The following LNX2 variants were observed in gnomAD, a reference collection of about 807,000 sequenced individuals.
LNX2 encodes ligand of numb-protein X 2.
Under a neutral mutation model 66.2 loss-of-function variants are expected in LNX2, and 35 were observed. The ratio of observed to expected loss-of-function variants is 0.53; its 90% CI spans 0.40 to 0.70. The LOEUF (loss-of-function observed/expected upper bound fraction) is 0.70, where lower values mean the gene tolerates loss of function less well. LNX2 is among the 30% of genes least tolerant of loss of function. LNX2 has a pLI of 0.00. For synonymous variants in LNX2, 337 were observed against 315.6 expected (o/e 1.07, Z -0.72); for missense variants, 791 against 850.8 (o/e 0.93, Z 0.87).
intron 3 of LNX2, 119 bp from the exon 4 acceptor site, chr13:27,567,958 A>G: frequency 1.3e-6 from 1 of 797,526 alleles, no homozygotes. Context: ...TTAACAGCTA[A>G]GCAGTATCAC....
At chr13:27,600,583 A>T (rs1312141690) in intron 1 of LNX2, among the ~76,000 whole-genome samples, 6 of 152,200 alleles carry the variant, frequency 3.9e-5, no homozygotes, top group African/African-American at 1.4e-4. Context: ...GCTGCAAATG[A>T]TGGAAAACCT....
chr13:27,585,871 T>C (rs1955479338), intron 1 of LNX2, among the ~76,000 whole-genome samples: 1 of 152,004 alleles, frequency 6.6e-6, no homozygotes, highest in Non-Finnish European at 1.5e-5. Context: ...TTTCTAAATC[T>C]CTAAATAACT....
intron 1 of LNX2, among the ~76,000 whole-genome samples, chr13:27,614,307 C>A (rs1156261618): frequency 9.2e-5 from 14 of 152,192 alleles, no homozygotes; most frequent in Admixed American, 8.5e-4. Flanking sequence ...CAGATAACAT[C>A]ACTACTGGAG....
At chr13:27,619,921 T>TC (rs1955874977) in intron 1 of LNX2, among the ~76,000 whole-genome samples, 3 of 151,988 alleles carry the variant, frequency 2.0e-5, no homozygotes, top group Admixed American at 1.3e-4. Context: ...GAATGATCTC[T>TC]CCCCATCCCT....
At chr13:27,579,795 T>C (rs959879479) in intron 2 of LNX2, among the ~76,000 whole-genome samples, 7 of 152,314 alleles carry the variant, frequency 4.6e-5, no homozygotes, top group Middle Eastern at 6.8e-3. Context: ...TGAAATATTC[T>C]TCAGCCATAA....
At chr13:27,575,696 T>C (rs951325945) in intron 2 of LNX2, among the ~76,000 whole-genome samples, 1 of 152,160 alleles carries the variant, frequency 6.6e-6, no homozygotes, top group Non-Finnish European at 1.5e-5. Flanking sequence ...GACTCCTTAA[T>C]CATGTCAGCC....
intron 1 of LNX2, among the ~76,000 whole-genome samples, chr13:27,600,353 A>AC (rs1353921819): frequency 6.6e-6 from 1 of 152,228 alleles, no homozygotes; most frequent in East Asian, 1.9e-4. Context: ...GTACTGGACA[A>AC]CATGGGTACA....
chr13:27,609,084 C>T (rs762782010), intron 1 of LNX2, among the ~76,000 whole-genome samples: 1 of 151,894 alleles, frequency 6.6e-6, no homozygotes, highest in Non-Finnish European at 1.5e-5. Context: ...TAAGCCACTG[C>T]GCCTGGCCTG....
chr13:27,565,189 T>A (rs1324123584), intron 4 of LNX2, among the ~76,000 whole-genome samples: 2 of 152,152 alleles, frequency 1.3e-5, no homozygotes, highest in Non-Finnish European at 2.9e-5. Flanking sequence ...TCTTTTGAGG[T>A]CTAAAGATTC....
chr13:27,589,781 A>C (rs1228993336), intron 1 of LNX2, among the ~76,000 whole-genome samples: 1 of 152,242 alleles, frequency 6.6e-6, no homozygotes, highest in Non-Finnish European at 1.5e-5. Context: ...TATTTCAAAA[A>C]GGAAATATAT....
At chr13:27,601,088 AG>A (rs1955653341) in intron 1 of LNX2, among the ~76,000 whole-genome samples, 1 of 152,224 alleles carries the variant, frequency 6.6e-6, no homozygotes, top group African/African-American at 2.4e-5. Context: ...CTATTACTAC[AG>A]GCTGGACATT....
chr13:27,557,707 C>T (rs140752007), intron 6 of LNX2, among the ~76,000 whole-genome samples: 53 of 152,140 alleles, frequency 3.5e-4, no homozygotes, highest in African/African-American at 1.3e-3. Context: ...GGCCTATCTA[C>T]CCTTCTCCAG....
chr13:27,553,579 A>G, intron 7 of LNX2, 140 bp from the exon 8 acceptor site: 1 of 604,886 alleles, frequency 1.7e-6, no homozygotes, highest in Non-Finnish European at 2.9e-6. Flanking sequence ...GGCATTTATT[A>G]TTTCTTTGTA....
At chr13:27,564,784 G>A (rs1036587060) in intron 4 of LNX2, among the ~76,000 whole-genome samples, 1 of 152,136 alleles carries the variant, frequency 6.6e-6, no homozygotes, top group Non-Finnish European at 1.5e-5. Context: ...TTGGCTCACT[G>A]TGTTATATTT....
In LNX2 at chr13:27,550,422, A is replaced by C; in HGVS notation, c.1848T>G (p.Val616=). 6.2e-7 allele frequency: 1 copy of C among 1,614,024 alleles called. No individual in the cohort carries two copies. Among genetic ancestry groups the C allele is most frequent in the South Asian group, 1.1e-5 (1 of 91,082 alleles). Residue 616 remains valine, a synonymous_variant, in exon 9 of 10, where the codon GTT becomes GTG. Coordinates refer to ENST00000316334, the MANE Select transcript of LNX2 (RefSeq NM_153371.4). ...SYLGSWGFSI[V]GGYEENHTNQ... ...TGGTGTGGTTCTCTTCATATCCACC[A>C]ACGATACTAAAGCCCCAACTTCCCA...
At chr13:27,560,763 T>C (rs1593241331) in intron 5 of LNX2, among the ~76,000 whole-genome samples, 1 of 152,200 alleles carries the variant, frequency 6.6e-6, no homozygotes, top group Non-Finnish European at 1.5e-5. Context: ...ATTTATTTGA[T>C]GCTGACTCTT....
chr13:27,606,232 T>G (rs1955714194), intron 1 of LNX2, among the ~76,000 whole-genome samples: 1 of 152,194 alleles, frequency 6.6e-6, no homozygotes, highest in South Asian at 2.1e-4. Context: ...AAATATGTTT[T>G]ATTTCATGGT....
At chr13:27,582,612 A>C (rs1829723865) in intron 1 of LNX2, among the ~76,000 whole-genome samples, 1 of 152,174 alleles carries the variant, frequency 6.6e-6, no homozygotes, top group Non-Finnish European at 1.5e-5. Context: ...TGTAGTCTCA[A>C]GGATAATTCA....
intron 8 of LNX2, among the ~76,000 whole-genome samples, chr13:27,550,828 C>T (rs1448661101): frequency 1.3e-5 from 2 of 152,114 alleles, no homozygotes; most frequent in Admixed American, 1.3e-4. Context: ...TCAACAAAGT[C>T]CTCAATTCTA....
Sources: allele counts gnomAD v4.1 joint callset (sites outside exome capture counted in the v4.1 genomes callset), GRCh38; gene constraint gnomAD v4.1.1; transcripts MANE v1.5; gene names NCBI Gene and HGNC (gene_info 2026-07-23, HGNC 2026-07-21).